The following NKAIN3 variants were observed in gnomAD, a reference collection of about 807,000 sequenced individuals.
NKAIN3 encodes sodium/potassium transporting ATPase interacting 3, also known as sodium/potassium-transporting ATPase subunit beta-1-interacting protein 3.
NKAIN3 carries 25 observed loss-of-function variants against 30.2 expected under a neutral mutation model. The ratio of observed to expected loss-of-function variants is 0.83; its 90% CI spans 0.60 to 1.16. The LOEUF is 1.16. Ranked by LOEUF, NKAIN3 falls within the 50% of genes most tolerant of loss-of-function variation. The pLI is 0.00. For missense variants in NKAIN3, 225 were observed against 254.1 expected (o/e 0.89, Z 0.78); for synonymous variants, 91 against 89.6 (o/e 1.02, Z -0.09).
chr8:62,975,735 TTTAA>T lies in NKAIN3; in HGVS notation c.*10331_*10334del, dbSNP rs1208513536. The stretch of plus-strand genomic sequence containing the variant: ...AGTCTGCTCTTGTTTCTTTAATTCT[TTTAA>T]TTGTGATGTTAGCGTGTTGATTGTA... On this transcript the variant is annotated 3_prime_UTR_variant, in exon 7 of 7. Transcript: ENST00000623646. Among the ~76,000 whole-genome samples, 3 of 152,222 alleles carry T rather than the reference TTTAA, an allele frequency of 2.0e-5. No individual in the cohort carries two copies. Among genetic ancestry groups the T allele is most frequent in the Non-Finnish European group, 4.4e-5 (3 of 68,030 alleles).
chr8:62,591,507 A>G (rs961433507), intron 3 of NKAIN3, among the ~76,000 whole-genome samples: 3 of 151,996 alleles, frequency 2.0e-5, no homozygotes, highest in Non-Finnish European at 2.9e-5. Flanking sequence ...TTTTTTTCAT[A>G]TAACTCTGAT....
intron 3 of NKAIN3, among the ~76,000 whole-genome samples, chr8:62,743,307 C>T (rs530873124): frequency 6.6e-6 from 1 of 152,016 alleles, no homozygotes; most frequent in African/African-American, 2.4e-5. Flanking sequence ...AAAAATGTTT[C>T]TAATCTAGTA....
At chr8:62,587,240 A>G (rs1810505193) in intron 2 of NKAIN3, among the ~76,000 whole-genome samples, 1 of 151,922 alleles carries the variant, frequency 6.6e-6, no homozygotes, top group African/African-American at 2.4e-5. Flanking sequence ...CATACCTTAT[A>G]ACAATTCAAA....
chr8:62,908,539 C>A (rs1375997249), intron 4 of NKAIN3, among the ~76,000 whole-genome samples: 1 of 152,094 alleles, frequency 6.6e-6, no homozygotes, highest in Non-Finnish European at 1.5e-5. Flanking sequence ...GGGAGGGACC[C>A]AGTGGGAGGT....
intron 1 of NKAIN3, among the ~76,000 whole-genome samples, chr8:62,526,788 C>G (rs746240320): frequency 8.5e-5 from 13 of 152,060 alleles, no homozygotes; most frequent in Non-Finnish European, 1.8e-4. Context: ...AGCACTGTCC[C>G]CTGATCATCT....
intron 5 of NKAIN3, among the ~76,000 whole-genome samples, chr8:62,943,672 G>T (rs1823035732): frequency 6.6e-6 from 1 of 150,824 alleles, no homozygotes; most frequent in African/African-American, 2.4e-5. Context: ...TAAAGAAAAT[G>T]TGGCATATAT....
intron 4 of NKAIN3, among the ~76,000 whole-genome samples, chr8:62,901,890 G>A (rs1050645339): frequency 1.2e-4 from 19 of 152,314 alleles, no homozygotes; most frequent in African/African-American, 3.4e-4. Context: ...GATGGCAGGA[G>A]CAGCACCTGC....
chr8:62,915,967 A>T (rs1406125784), intron 4 of NKAIN3, among the ~76,000 whole-genome samples: 1 of 152,242 alleles, frequency 6.6e-6, no homozygotes, highest in Non-Finnish European at 1.5e-5. Context: ...GATGAAAAAG[A>T]ACTATTGCAA....
intron 1 of NKAIN3, among the ~76,000 whole-genome samples, chr8:62,278,396 T>A (rs1314737657): frequency 6.6e-6 from 1 of 150,776 alleles, no homozygotes; most frequent in Non-Finnish European, 1.5e-5. Context: ...TTTTTTTTTA[T>A]ACTTTAAGTT....
chr8:62,447,883 G>A (rs1901413), intron 1 of NKAIN3, among the ~76,000 whole-genome samples: 147,477 of 152,056 alleles, frequency 0.97, 71,567 homozygotes, highest in East Asian at 1. Flanking sequence ...AATTATCAAG[G>A]TAGGTGGGAA....
At chr8:62,590,590 T>C (rs1316833808) in intron 3 of NKAIN3, among the ~76,000 whole-genome samples, 2 of 151,884 alleles carry the variant, frequency 1.3e-5, no homozygotes, top group African/African-American at 4.8e-5. Flanking sequence ...CATTATCAAA[T>C]ATATTTATAC....
At chr8:62,878,654 A>G (rs958093810) in intron 4 of NKAIN3, among the ~76,000 whole-genome samples, 33 of 138,870 alleles carry the variant, frequency 2.4e-4, no homozygotes, top group Admixed American at 5.7e-4. Flanking sequence ...TAATGCTATC[A>G]TTTTCCCCTC....
intron 1 of NKAIN3, among the ~76,000 whole-genome samples, chr8:62,484,290 C>T (rs774061061): frequency 1.3e-5 from 2 of 152,330 alleles, no homozygotes; most frequent in South Asian, 4.1e-4. Flanking sequence ...CAGGATGTCT[C>T]GCCCCCAGGC....
chr8:62,318,503 A>G (rs117515111), intron 1 of NKAIN3, among the ~76,000 whole-genome samples: 18,274 of 152,238 alleles, frequency 0.12, 1,426 homozygotes, highest in South Asian at 0.19. Context: ...GTTTTTAGCA[A>G]TGAAGGTTGT....
chr8:62,866,890 C>CAAAAAAAAAAAAAAA (rs59832626), intron 4 of NKAIN3, among the ~76,000 whole-genome samples: 3 of 125,854 alleles, frequency 2.4e-5, no homozygotes, highest in Admixed American at 8.1e-5. Flanking sequence ...ACTAAAAATA[C>CAAAAAAAAAAAAAAA]AAAAAAAAAA....
At chr8:62,468,832 G>T (rs189418376) in intron 1 of NKAIN3, among the ~76,000 whole-genome samples, 5 of 152,086 alleles carry the variant, frequency 3.3e-5, no homozygotes, top group Admixed American at 2.0e-4. Context: ...GAATGAATTT[G>T]TCATCCCCCG....
intron 4 of NKAIN3, chr8:62,855,991 G>T: frequency 1.4e-6 from 1 of 690,508 alleles, no homozygotes; most frequent in Non-Finnish European, 2.7e-6. Context: ...CCAATCACCA[G>T]CAACTCCTCA....
chr8:62,641,729 GA>G (rs1329636456), intron 3 of NKAIN3, among the ~76,000 whole-genome samples: 1 of 152,112 alleles, frequency 6.6e-6, no homozygotes, highest in Non-Finnish European at 1.5e-5. Context: ...ACCTATTCTT[GA>G]ATATGGAAAT....
chr8:62,599,033 G>C (rs1471426787), intron 3 of NKAIN3, among the ~76,000 whole-genome samples: 1 of 151,966 alleles, frequency 6.6e-6, no homozygotes, highest in African/African-American at 2.4e-5. Flanking sequence ...AAAACAAAAT[G>C]GGGTAGTCTC....
Sources: gnomAD v4.1 joint callset for allele counts (sites outside exome capture counted in the v4.1 genomes callset) on GRCh38, gnomAD v4.1.1 for gene constraint, MANE v1.5 for transcripts, NCBI Gene and HGNC (gene_info 2026-07-23, HGNC 2026-07-21) for gene names.